TBC1D22B: variants seen among roughly 807,000 people sequenced by gnomAD.
The protein encoded by TBC1D22B is TBC1 domain family member 22B.
TBC1D22B carries 32 observed loss-of-function variants against 69.1 expected under a neutral mutation model. The observed-to-expected ratio is 0.46, with a 90% confidence interval of 0.35 to 0.62. TBC1D22B has a LOEUF of 0.62. TBC1D22B is among the 20% of genes least tolerant of loss of function. The pLI, the probability that TBC1D22B is intolerant of heterozygous loss-of-function variation, is 0.00. For missense variants in TBC1D22B, 462 were observed against 630.9 expected (o/e 0.73, Z 2.87); for synonymous variants, 206 against 229.8 (o/e 0.90, Z 0.94).
intron 8 of TBC1D22B, among the ~76,000 whole-genome samples, chr6:37,296,931 A>G (rs530373278): frequency 2.0e-5 from 3 of 152,098 alleles, no homozygotes; most frequent in East Asian, 1.9e-4. Flanking sequence ...GGCTCAAGCA[A>G]TCCTCCCACT....
intron 6 of TBC1D22B, among the ~76,000 whole-genome samples, chr6:37,284,674 C>G (rs968869772): frequency 5.3e-5 from 8 of 152,208 alleles, no homozygotes; most frequent in African/African-American, 1.9e-4. Context: ...TGGCACTAGT[C>G]AGTGCACTGC....
intron 8 of TBC1D22B, among the ~76,000 whole-genome samples, chr6:37,310,063 A>G (rs1767855479): frequency 6.8e-6 from 1 of 146,868 alleles, no homozygotes; most frequent in South Asian, 2.1e-4. Context: ...TTTTTATATA[A>G]TGTATAATTA....
intron 1 of TBC1D22B, among the ~76,000 whole-genome samples, chr6:37,261,800 T>G (rs1232193043): frequency 6.6e-6 from 1 of 151,882 alleles, no homozygotes; most frequent in Non-Finnish European, 1.5e-5. Context: ...TTTGGGAGGC[T>G]GAGACAGGTG....
intron 7 of TBC1D22B, 97 bp from the exon 8 acceptor site, chr6:37,291,146 C>A: frequency 1.1e-6 from 1 of 879,144 alleles, no homozygotes; most frequent in Non-Finnish European, 1.8e-6. Context: ...AAAAATTCTA[C>A]ACCAACCTGG....
chr6:37,268,781 C>T (rs967697426), intron 1 of TBC1D22B, among the ~76,000 whole-genome samples: 2 of 152,080 alleles, frequency 1.3e-5, no homozygotes, highest in Admixed American at 6.5e-5. Context: ...CTATATAAGT[C>T]GAATCATAAC....
At chr6:37,261,157 G>A (rs891722264) in intron 1 of TBC1D22B, among the ~76,000 whole-genome samples, 4 of 152,048 alleles carry the variant, frequency 2.6e-5, no homozygotes, top group African/African-American at 9.7e-5. Context: ...TGCAGGCTTT[G>A]GCAGGTGTGG....
intron 3 of TBC1D22B, among the ~76,000 whole-genome samples, chr6:37,281,282 A>G (rs1766818510): frequency 6.6e-6 from 1 of 152,324 alleles, no homozygotes; most frequent in South Asian, 2.1e-4. Flanking sequence ...TGTTCTAAGG[A>G]TCAAATGAGA....
At chr6:37,282,043 C>T in intron 3 of TBC1D22B, 142 bp from the exon 4 acceptor site, 1 of 902,464 alleles carries the variant, frequency 1.1e-6, no homozygotes, top group Non-Finnish European at 1.7e-6. Flanking sequence ...CCTCGCTGCC[C>T]TTCAGCTGGG....
At chr6:37,320,640 G>GC (rs1768212388) in intron 12 of TBC1D22B, among the ~76,000 whole-genome samples, 1 of 152,184 alleles carries the variant, frequency 6.6e-6, no homozygotes, top group Non-Finnish European at 1.5e-5. Flanking sequence ...GTACACAGGG[G>GC]CAAAGGGCTG....
In TBC1D22B at chr6:37,324,251, G is replaced by T. The variant is rs748805663; in HGVS notation, c.1390-6793G>T. 140 of 455,510 alleles carry T rather than the reference G, an allele frequency of 3.1e-4. 1 individual carries two copies. The highest frequency in any genetic ancestry group is 1.5e-3 in the South Asian group (97 of 64,404). The allele number at this position is 455,510 out of a possible 1,614,324, so 28.2% of individuals were successfully genotyped here. A position where few individuals can be genotyped will look rare whatever the true frequency, so the allele number is the denominator to read the frequency against. On this transcript the variant is annotated intron_variant, in intron 12 of 12. Coordinates refer to ENST00000373491, the MANE Select transcript of TBC1D22B (RefSeq NM_017772.4). ...GCTCATCATTATACATCCTGTGTTT[G>T]GTTGTGCCAGCCCTTATTGCAGAGT...
In TBC1D22B at chr6:37,317,575, T is replaced by C. The variant is rs1365304028; in HGVS notation, c.1389+369T>C. 1.3e-5 allele frequency among the ~76,000 whole-genome samples: 2 copies of C among 152,320 alleles called. 1 individual carries two copies. Reference sequence around the variant, plus strand: ...CTGTTCTCATAAAGCTTACGTACTCTGATAGTTGTGGGGAGACATACAGTA... The same window carrying C: ...CTGTTCTCATAAAGCTTACGTACTCCGATAGTTGTGGGGAGACATACAGTA... On this transcript the variant is annotated intron_variant, in intron 12 of 12. Coordinates refer to ENST00000373491, the MANE Select transcript of TBC1D22B (RefSeq NM_017772.4).
chr6:37,272,480 G>A (rs1766520679), intron 2 of TBC1D22B, among the ~76,000 whole-genome samples: 1 of 151,524 alleles, frequency 6.6e-6, no homozygotes, highest in African/African-American at 2.4e-5. Flanking sequence ...TCCTGCCTCA[G>A]CTCCCGCATG....
intron 7 of TBC1D22B, among the ~76,000 whole-genome samples, chr6:37,288,354 G>A (rs964061889): frequency 6.6e-6 from 1 of 152,216 alleles, no homozygotes; most frequent in Non-Finnish European, 1.5e-5. Context: ...GAGATGTTCA[G>A]AGACTTTTCT....
chr6:37,295,794 G>C (rs1342342268), intron 8 of TBC1D22B: 1 of 215,522 alleles, frequency 4.6e-6, no homozygotes, highest in Non-Finnish European at 9.5e-6. Flanking sequence ...ATGAGGAGCA[G>C]AGTCATGTCT....
At chr6:37,289,561 C>T (rs112967006) in intron 7 of TBC1D22B, among the ~76,000 whole-genome samples, 1 of 152,166 alleles carries the variant, frequency 6.6e-6, no homozygotes, top group African/African-American at 2.4e-5. Flanking sequence ...CTTCCATGTA[C>T]TTGGCCATTG....
At chr6:37,301,449 G>A (rs1329471003) in intron 8 of TBC1D22B, among the ~76,000 whole-genome samples, 1 of 152,110 alleles carries the variant, frequency 6.6e-6, no homozygotes, top group East Asian at 1.9e-4. Flanking sequence ...TGTATCTAGG[G>A]ATTTCCCTAT....
At chr6:37,304,395 T>G (rs1392607392) in intron 8 of TBC1D22B, among the ~76,000 whole-genome samples, 1 of 152,042 alleles carries the variant, frequency 6.6e-6, no homozygotes, top group Non-Finnish European at 1.5e-5. Flanking sequence ...AACCCTAATA[T>G]CAGCTAATAT....
chr6:37,323,868 G>A (rs1019122782), intron 12 of TBC1D22B, among the ~76,000 whole-genome samples: 2 of 152,156 alleles, frequency 1.3e-5, no homozygotes, highest in African/African-American at 2.4e-5. Context: ...GAAAGGGCAC[G>A]GTTCCTAGAC....
At chr6:37,307,386 C>T (rs1268837866) in intron 8 of TBC1D22B, among the ~76,000 whole-genome samples, 1 of 144,390 alleles carries the variant, frequency 6.9e-6, no homozygotes, top group Non-Finnish European at 1.5e-5. Context: ...AGAGTCTTCT[C>T]GCTCTGTCGC....
Sources: allele counts gnomAD v4.1 joint callset (sites outside exome capture counted in the v4.1 genomes callset), GRCh38; gene constraint gnomAD v4.1.1; transcripts MANE v1.5; gene names NCBI Gene and HGNC (gene_info 2026-07-23, HGNC 2026-07-21).